ITSN1: variants seen among roughly 807,000 people sequenced by gnomAD.
ITSN1 encodes the protein intersectin 1.
Under a neutral mutation model 239.8 loss-of-function variants are expected in ITSN1, and 58 were observed. That is an observed-to-expected ratio of 0.24 (90% CI 0.20 to 0.30). The LOEUF (loss-of-function observed/expected upper bound fraction) is 0.30, where lower values mean the gene tolerates loss of function less well. Ranked by LOEUF, ITSN1 falls within the 10% of genes least tolerant of loss-of-function variation. The pLI is 1.00. For synonymous variants in ITSN1, 780 were observed against 770.8 expected, an observed-to-expected ratio of 1.01 and a Z score of -0.20; for missense variants, 1,558 against 2,103.3, an observed-to-expected ratio of 0.74 and a Z score of 5.07.
At chr21:33,656,290 A>G (rs2089067274) in intron 1 of ITSN1, among the ~76,000 whole-genome samples, 1 of 152,242 alleles carries the variant, frequency 6.6e-6, no homozygotes, top group Non-Finnish European at 1.5e-5. Context: ...AAGAGGAGAA[A>G]AAAACGCTAG....
chr21:33,832,116 G>T (rs2834271), intron 27 of ITSN1, among the ~76,000 whole-genome samples: 3 of 152,120 alleles, frequency 2.0e-5, no homozygotes, highest in African/African-American at 7.2e-5. Context: ...CTGAGCAATG[G>T]CGTCTCCACT....
chr21:33,741,589 A>G (rs1368529515), intron 5 of ITSN1, among the ~76,000 whole-genome samples: 2 of 152,178 alleles, frequency 1.3e-5, no homozygotes, highest in Non-Finnish European at 1.5e-5. Flanking sequence ...GTCTATAAAC[A>G]TTGTTTTTAA....
At chr21:33,724,257 C>T (rs188461629) in intron 4 of ITSN1, among the ~76,000 whole-genome samples, 1 of 152,248 alleles carries the variant, frequency 6.6e-6, no homozygotes, top group African/African-American at 2.4e-5. Context: ...TCCTCTGAAG[C>T]CATTCTAATT....
intron 4 of ITSN1, among the ~76,000 whole-genome samples, chr21:33,728,649 G>A (rs1203936301): frequency 2.0e-5 from 3 of 152,054 alleles, no homozygotes; most frequent in African/African-American, 7.2e-5. Context: ...TGCCTTTCAG[G>A]TTTCAGTTCA....
chr21:33,765,988 C>T lies in ITSN1; in HGVS notation c.902C>T (p.Pro301Leu), dbSNP rs1244562242. ...CAACCACTGCCACCTGTCCTGCCTC[C>T]AGAATACATTCCACCTTCTTTTAGG... is the stretch of plus-strand genomic sequence containing the variant. Reference protein sequence around the residue: ...SGQPLPPVLPPEYIPPSFRRV... With the variant: ...SGQPLPPVLPLEYIPPSFRRV... The change falls in exon 10 of 40, where the codon CCA becomes CTA. Residue 301 changes from proline to leucine, a missense_variant. Pro to Leu is a moderately conservative substitution (Grantham distance 98, BLOSUM62 -3). Transcript: ENST00000381318. 17 of 1,614,156 alleles carry T rather than the reference C, an allele frequency of 1.1e-5. No individual in the cohort carries two copies. The highest frequency in any genetic ancestry group is 1.4e-5 in the Non-Finnish European group (16 of 1,180,018).
At chr21:33,853,021 C>G (rs936060024) in intron 29 of ITSN1, among the ~76,000 whole-genome samples, 1 of 152,142 alleles carries the variant, frequency 6.6e-6, no homozygotes, top group East Asian at 1.9e-4. Context: ...TTCAAAATGC[C>G]TATTTCAAAT....
rs1479729113 is a variant in ITSN1 at position 33,744,050 on chromosome 21, TA to T, written c.347-6090del. 3.9e-5 allele frequency among the ~76,000 whole-genome samples: 6 copies of T among 152,318 alleles called. No individual in the cohort carries two copies. The South Asian group carries it at 1.0e-3, about 26-fold the overall frequency. Reference sequence around the variant, plus strand: ...CATCATAAGGACTGATGGTGAGCACTAAATATATAGTTAGCTGTAGAGCTAA... The same window carrying T: ...CATCATAAGGACTGATGGTGAGCACTAATATATAGTTAGCTGTAGAGCTAA... On this transcript the variant is annotated intron_variant, in intron 5 of 39. Coordinates refer to ENST00000381318, the MANE Select transcript of ITSN1 (RefSeq NM_003024.3).
At chr21:33,798,151 G>A (rs2071704517) in intron 18 of ITSN1, among the ~76,000 whole-genome samples, 1 of 152,056 alleles carries the variant, frequency 6.6e-6, no homozygotes, top group Admixed American at 6.5e-5. Flanking sequence ...AGGCTAGAGT[G>A]CAGTGGCACA....
At chr21:33,878,866 C>A (rs529234159) in intron 34 of ITSN1, among the ~76,000 whole-genome samples, 1 of 152,198 alleles carries the variant, frequency 6.6e-6, no homozygotes, top group Non-Finnish European at 1.5e-5. Flanking sequence ...ATGTGACTCC[C>A]ACTCTCGAGG....
At chr21:33,765,753 A>AGG in intron 9 of ITSN1, 122 bp from the exon 10 acceptor site, 1 of 927,794 alleles carries the variant, frequency 1.1e-6, no homozygotes, top group Non-Finnish European at 1.7e-6. Context: ...TGACAAAATG[A>AGG]GGGACAAAGA....
At chr21:33,711,739 T>G (rs2092424789) in intron 1 of ITSN1, among the ~76,000 whole-genome samples, 2 of 151,902 alleles carry the variant, frequency 1.3e-5, no homozygotes, top group Non-Finnish European at 2.9e-5. Flanking sequence ...CCTTTTATTA[T>G]CAGCTTAGAG....
In ITSN1 at chr21:33,799,815, T is replaced by G. The variant is rs1239593532; in HGVS notation, c.2190T>G (p.Gly730=). 1.2e-6 allele frequency: 2 copies of G among 1,613,592 alleles called. No individual in the cohort carries two copies. Among genetic ancestry groups the G allele is most frequent in the Admixed American group, 3.3e-5 (2 of 59,918 alleles). The change falls in exon 19 of 40, where the codon GGT becomes GGG. Residue 730 remains glycine (G), a synonymous_variant. Coordinates refer to ENST00000381318, the MANE Select transcript of ITSN1 (RefSeq NM_003024.3). ...VQAPWSTAEK[G]PLTISAQENV... is the part of the protein sequence containing the mutation. The stretch of plus-strand genomic sequence containing the variant: ...ACCTTTTTTTGTAAACAGAAAAAGG[T>G]CCACTTACCATTTCTGCACAGGAAA...
intron 16 of ITSN1, among the ~76,000 whole-genome samples, chr21:33,786,235 G>A (rs9981232): frequency 0.13 from 20,423 of 152,138 alleles, 1,635 homozygotes; most frequent in East Asian, 0.28. Flanking sequence ...AATTCAGTGG[G>A]TAAAATTTAT....
At chr21:33,864,776 G>A (rs892114981) in intron 31 of ITSN1, among the ~76,000 whole-genome samples, 33 of 152,122 alleles carry the variant, frequency 2.2e-4, no homozygotes, top group African/African-American at 7.7e-4. Context: ...AACTTCCCTT[G>A]GGCAGAAGTG....
intron 1 of ITSN1, among the ~76,000 whole-genome samples, chr21:33,662,300 C>T (rs1216051203): frequency 6.6e-6 from 1 of 152,184 alleles, no homozygotes; most frequent in Admixed American, 6.5e-5. Context: ...GAACTTTTGG[C>T]TCTACCTCTT....
In ITSN1 at chr21:33,734,187, A is replaced by G. The variant is rs192561852; in HGVS notation, c.186-857A>G. On this transcript the variant is annotated intron_variant, in intron 4 of 39. Transcript: ENST00000381318. ...TGAATAAAACTTTTTTATGCAGAAG[A>G]GGTTAAGTCATGAATATGCACAGTT... Among the ~76,000 whole-genome samples, 480 of 152,334 alleles carry G rather than the reference A, an allele frequency of 3.2e-3. 2 individuals are homozygous for G. The highest frequency in any genetic ancestry group is 0.011 in the African/African-American group (461 of 41,578).
intron 27 of ITSN1, among the ~76,000 whole-genome samples, chr21:33,832,838 AG>A: frequency 6.6e-6 from 1 of 152,302 alleles, no homozygotes; most frequent in Non-Finnish European, 1.5e-5. Flanking sequence ...GGGAGGGCAG[AG>A]GTAATGTGGT....
chr21:33,685,125 C>T (rs776666538), intron 1 of ITSN1, among the ~76,000 whole-genome samples: 1 of 152,166 alleles, frequency 6.6e-6, no homozygotes, highest in Admixed American at 6.5e-5. Flanking sequence ...AAGCAAGTTG[C>T]GTTTCATAGT....
At chr21:33,821,511 T>C (rs1047374751) in intron 24 of ITSN1, among the ~76,000 whole-genome samples, 3 of 152,188 alleles carry the variant, frequency 2.0e-5, no homozygotes, top group Non-Finnish European at 4.4e-5. Flanking sequence ...AAATATTGGC[T>C]TGGGGATGGC....
Sources: gnomAD v4.1 joint callset for allele counts (sites outside exome capture counted in the v4.1 genomes callset) on GRCh38, gnomAD v4.1.1 for gene constraint, MANE v1.5 for transcripts, NCBI Gene and HGNC (gene_info 2026-07-23, HGNC 2026-07-21) for gene names.